The following GRID2 variants were observed in gnomAD, a reference collection of about 807,000 sequenced individuals.
GRID2 encodes the protein glutamate ionotropic receptor delta type subunit 2, also known as glutamate receptor ionotropic, delta-2.
A neutral mutation model predicts 114.8 loss-of-function variants in GRID2; 33 were observed. That is an observed-to-expected ratio of 0.29 (90% confidence interval 0.22 to 0.38). The LOEUF (loss-of-function observed/expected upper bound fraction) is 0.38. GRID2 is among the 10% of genes least tolerant of loss of function. The pLI, the probability that GRID2 is intolerant of heterozygous loss-of-function variation, is 1.00. For synonymous variants in GRID2, 505 were observed against 449.9 expected (o/e 1.12, Z -1.55); for missense variants, 1,184 against 1,257.7 (o/e 0.94, Z 0.89).
intron 13 of GRID2, among the ~76,000 whole-genome samples, chr4:93,615,640 A>C (rs758758166): frequency 0.024 from 3,043 of 124,996 alleles, 32 homozygotes; most frequent in Middle Eastern, 0.042. Context: ...CCTTCACCCC[A>C]AAAAAAAAAA....
At chr4:93,471,724 A>ATTTTTTTTTTTTTTTTT (rs1376552924) in intron 11 of GRID2, among the ~76,000 whole-genome samples, 1 of 19,690 alleles carries the variant, frequency 5.1e-5, no homozygotes. Flanking sequence ...TTGGAGACGG[A>ATTTTTTTTTTTTTTTTT]GTTTTTGCTC....
chr4:92,800,173 G>A (rs1740084229), intron 2 of GRID2, among the ~76,000 whole-genome samples: 1 of 151,806 alleles, frequency 6.6e-6, no homozygotes, highest in African/African-American at 2.4e-5. Context: ...AGTCAGTTAA[G>A]GATATCAGTG....
chr4:93,333,235 C>G (rs1042367898), intron 8 of GRID2, among the ~76,000 whole-genome samples: 8 of 152,022 alleles, frequency 5.3e-5, no homozygotes, highest in Non-Finnish European at 1.2e-4. Flanking sequence ...TTGAATTGCT[C>G]CAGGATCTTG....
intron 4 of GRID2, among the ~76,000 whole-genome samples, chr4:93,113,682 A>G (rs1218760231): frequency 6.6e-6 from 1 of 152,222 alleles, no homozygotes; most frequent in Admixed American, 6.5e-5. Context: ...ATGGCAGAAC[A>G]CATACATCTA....
intron 10 of GRID2, among the ~76,000 whole-genome samples, chr4:93,427,459 C>G (rs80170306): frequency 1.3e-5 from 2 of 151,942 alleles, no homozygotes; most frequent in Non-Finnish European, 2.9e-5. Flanking sequence ...AGGATTAACT[C>G]GTGTGCCTTT....
intron 2 of GRID2, among the ~76,000 whole-genome samples, chr4:92,710,497 G>C (rs568520866): frequency 6.6e-6 from 1 of 152,144 alleles, no homozygotes; most frequent in Non-Finnish European, 1.5e-5. Context: ...AAAAGCAAAC[G>C]TAAGAGGAAT....
At chr4:93,630,098 A>G (rs1245308280) in intron 14 of GRID2, among the ~76,000 whole-genome samples, 1 of 152,228 alleles carries the variant, frequency 6.6e-6, no homozygotes, top group Non-Finnish European at 1.5e-5. Flanking sequence ...GCTAGAATTT[A>G]TATAACCATA....
chr4:92,621,623 G>T (rs1174648796), intron 2 of GRID2, among the ~76,000 whole-genome samples: 1 of 151,594 alleles, frequency 6.6e-6, no homozygotes, highest in Non-Finnish European at 1.5e-5. Context: ...TTACATCACT[G>T]CACTTAGCGC....
At chr4:92,629,280 C>T (rs540126334) in intron 2 of GRID2, among the ~76,000 whole-genome samples, 2 of 152,076 alleles carry the variant, frequency 1.3e-5, no homozygotes, top group African/African-American at 4.8e-5. Flanking sequence ...GTGTCAGAGT[C>T]TGAGAATCTT....
Position 92,799,606 on chromosome 4 carries a change from CTCT to C in GRID2, c.244+209325_244+209327del, listed in dbSNP as rs538388285. 5.3e-3 allele frequency among the ~76,000 whole-genome samples: 811 copies of C among 152,030 alleles called. 4 individuals carry two copies. Among genetic ancestry groups the C allele is most frequent in the Middle Eastern group, 0.014 (4 of 294 alleles). ...CTAGCATCTCTTTTTTATACATTTC[CTCT>C]TCTTAGAAGAACACCAATCAGATTG... On this transcript the variant is annotated intron_variant, in intron 2 of 15. Transcript: ENST00000282020.
intron 6 of GRID2, among the ~76,000 whole-genome samples, chr4:93,224,071 CATATA>C: frequency 6.6e-6 from 1 of 152,170 alleles, no homozygotes; most frequent in South Asian, 2.1e-4. Context: ...CACTATAATA[CATATA>C]AAAGATTGTG....
chr4:92,674,856 A>G (rs1006027409), intron 2 of GRID2, among the ~76,000 whole-genome samples: 18 of 152,182 alleles, frequency 1.2e-4, no homozygotes, highest in Non-Finnish European at 2.6e-4. Flanking sequence ...GTAAATTCTC[A>G]AACATACATG....
chr4:93,380,116 T>C (rs1763717686), intron 8 of GRID2, among the ~76,000 whole-genome samples: 1 of 152,102 alleles, frequency 6.6e-6, no homozygotes, highest in Non-Finnish European at 1.5e-5. Context: ...GCAGATATAA[T>C]TGTAAAGAAT....
At chr4:92,423,008 A>G (rs555240165) in intron 1 of GRID2, among the ~76,000 whole-genome samples, 2 of 152,246 alleles carry the variant, frequency 1.3e-5, no homozygotes, top group Non-Finnish European at 2.9e-5. Context: ...GGCAGTTTCA[A>G]TCCCTCCCTT....
At chr4:93,474,997 T>A (rs1725187813) in intron 11 of GRID2, among the ~76,000 whole-genome samples, 1 of 152,284 alleles carries the variant, frequency 6.6e-6, no homozygotes, top group South Asian at 2.1e-4. Context: ...ATAAGTTTTT[T>A]GTTTTGTTTT....
At chr4:92,535,472 T>C (rs1725572466) in intron 1 of GRID2, among the ~76,000 whole-genome samples, 1 of 152,146 alleles carries the variant, frequency 6.6e-6, no homozygotes, top group South Asian at 2.1e-4. Context: ...ACTGTTAAAT[T>C]TGGAATATAT....
At chr4:92,349,062 A>G (rs971080022) in intron 1 of GRID2, among the ~76,000 whole-genome samples, 1 of 151,846 alleles carries the variant, frequency 6.6e-6, no homozygotes, top group African/African-American at 2.4e-5. Context: ...GAGAGGTTTT[A>G]TTAATGACCA....
At chr4:92,363,984 T>C (rs376609331) in intron 1 of GRID2, among the ~76,000 whole-genome samples, 27 of 152,016 alleles carry the variant, frequency 1.8e-4, no homozygotes, top group African/African-American at 6.0e-4. Flanking sequence ...TATGCCCAGC[T>C]AAGTTTTGTA....
At chr4:92,433,944 G>A (rs1220020289) in intron 1 of GRID2, among the ~76,000 whole-genome samples, 1 of 152,178 alleles carries the variant, frequency 6.6e-6, no homozygotes, top group Non-Finnish European at 1.5e-5. Flanking sequence ...GAAGAACCTA[G>A]AATGAGGCCA....
Sources: gnomAD v4.1 joint callset for allele counts (sites outside exome capture counted in the v4.1 genomes callset) on GRCh38, gnomAD v4.1.1 for gene constraint, MANE v1.5 for transcripts, NCBI Gene and HGNC (gene_info 2026-07-23, HGNC 2026-07-21) for gene names.